The following VSIG10L variants were observed in gnomAD, a reference collection of about 807,000 sequenced individuals.
The protein encoded by VSIG10L is V-set and immunoglobulin domain-containing protein 10-like.
Under a neutral mutation model 67.3 loss-of-function variants are expected in VSIG10L, and 63 were observed. The observed-to-expected ratio is 0.94, with a 90% CI of 0.76 to 1.15. VSIG10L has a LOEUF of 1.15. VSIG10L is among the 50% of genes most tolerant of loss of function. The pLI is 0.00. For missense variants in VSIG10L, 1,050 were observed against 1,177.5 expected, an observed-to-expected ratio of 0.89 and a Z score of 1.58; for synonymous variants, 499 against 524.9, an observed-to-expected ratio of 0.95 and a Z score of 0.67.
At chr19:51,338,779 C>A (rs1985550621) in intron 5 of VSIG10L, 109 bp downstream of exon 5, 1 of 1,219,816 alleles carries the variant, frequency 8.2e-7, no homozygotes, top group Non-Finnish European at 1.1e-6. Flanking sequence ...AGTCCTGCCT[C>A]TTTCTTGGAC....
rs1393436869 is a variant in VSIG10L, at chr19:51,340,259, G to A, written c.1230C>T (p.Arg410=). 1 of 1,513,698 alleles carries A rather than the reference G, an allele frequency of 6.6e-7. No homozygotes were observed. The highest frequency in any genetic ancestry group is 1.4e-5 in the African/African-American group (1 of 69,862). The allele number at this position is 1,513,698 out of a possible 1,614,324, so 93.8% of individuals were successfully genotyped here. The change falls in exon 4 of 10, where the codon CGC becomes CGT. Residue 410 remains arginine (R), a synonymous_variant. Transcript: ENST00000335624. The surrounding 1 kb of genome is among the most constrained non-coding windows in gnomAD (Gnocchi z 6.3). The part of the protein sequence containing the change: ...DPPTITVSSD[R]DAAPARFVTA... ...TGACAAAGCGGGCAGGCGCGGCGTC[G>A]CGGTCCGAGGAGACCGTGATGGTCG...
In VSIG10L at chr19:51,340,699, G is replaced by A. The variant is rs1386229027; in HGVS notation, c.923C>T (p.Pro308Leu). ...YEPLPQLSVQ[P>L]KAPETEEGAA... Reference sequence around the variant, plus strand: ...CCCCTCCTCTGTCTCTGGAGCCTTGGGCTGAACCGACAGCTGGGGTAGGGG... The same window carrying A: ...CCCCTCCTCTGTCTCTGGAGCCTTGAGCTGAACCGACAGCTGGGGTAGGGG... Residue 308 changes from proline to leucine, a missense_variant, in exon 3 of 10, where the codon CCC becomes CTC. Physicochemically the swap from Pro to Leu is moderately conservative, Grantham distance 98. Around this residue, in one of 3 missense-constraint regions of VSIG10L, gnomAD observed 511 missense variants for 557.9 expected, o/e 0.92. Coordinates refer to ENST00000335624, the MANE Select transcript of VSIG10L (RefSeq NM_001163922.3). The surrounding 1 kb of genome is among the most constrained non-coding windows in gnomAD (Gnocchi z 6.3). 1.3e-6 allele frequency: 2 copies of A among 1,513,598 alleles called. No individual in the cohort carries two copies. The highest frequency in any genetic ancestry group is 1.8e-6 in the Non-Finnish European group (2 of 1,134,154). 93.8% of individuals were successfully genotyped at this position (1,513,598 alleles called of 1,614,324 possible).
At chr19:51,335,822 G>A (rs58879702) in intron 7 of VSIG10L, among the ~76,000 whole-genome samples, 1 of 152,060 alleles carries the variant, frequency 6.6e-6, no homozygotes, top group African/African-American at 2.4e-5. Context: ...TGAGGCAGGA[G>A]AATCACTTGA....
In VSIG10L at chr19:51,341,894, C is replaced by G. The variant is rs888478327; in HGVS notation, c.154G>C (p.Val52Leu). The change falls in exon 2 of 10, where the codon GTT (valine) becomes CTT (leucine). Residue 52 changes from valine to leucine, a missense_variant. By Grantham distance (32) the Val-to-Leu change is conservative (BLOSUM62 1). Coordinates refer to ENST00000335624, the MANE Select transcript of VSIG10L (RefSeq NM_001163922.3). The stretch of plus-strand genomic sequence containing the variant: ...CAGCTGGGAGGTTTGATGGAGGGAA[C>G]TTCCACACCCAGCCCCTGGGAAGAG... ...KSSSQGLGVEVPSIKPPSWKV... is the reference protein window; with the variant it reads ...KSSSQGLGVELPSIKPPSWKV... The G allele has an allele frequency of 1.9e-5, 29 of 1,551,682 alleles. No individual in the cohort carries two copies. The highest frequency in any genetic ancestry group is 2.4e-5 in the Non-Finnish European group (28 of 1,146,984).
chr19:51,332,262 C>A lies in VSIG10L; in HGVS notation c.*349G>T, dbSNP rs1258297082. The A allele has an allele frequency of 2.6e-6, 1 of 391,530 alleles. No homozygotes were observed. The highest frequency in any genetic ancestry group is 2.1e-5 in the African/African-American group (1 of 48,330). 24.3% of individuals were successfully genotyped at this position (391,530 alleles called of 1,614,324 possible). On this transcript the variant is annotated 3_prime_UTR_variant, in exon 10 of 10. Transcript: ENST00000335624. ...GGTGGCAAAGTGAATGTAAGGGGAC[C>A]TTTTCAGAGAACATGGCCAAGCTCC...
At chr19:51,339,386 T>A (rs1004696857) in intron 4 of VSIG10L, among the ~76,000 whole-genome samples, 1 of 152,166 alleles carries the variant, frequency 6.6e-6, no homozygotes, top group Non-Finnish European at 1.5e-5. Flanking sequence ...GATATTTCTC[T>A]TCCCAAACGT....
intron 5 of VSIG10L, 47 bp downstream of exon 5, chr19:51,338,841 T>C: frequency 7.5e-7 from 1 of 1,341,522 alleles, no homozygotes; most frequent in South Asian, 1.9e-5. Flanking sequence ...AAAGAAAAAG[T>C]CTCCCTCCTC....
Position 51,340,486 on chromosome 19 carries a change from C to G in VSIG10L, c.1136G>C (p.Arg379Pro). The G allele has an allele frequency of 6.6e-7, 1 of 1,519,214 alleles. No homozygotes were observed. Among genetic ancestry groups the G allele is most frequent in the Non-Finnish European group, 8.8e-7 (1 of 1,135,062 alleles). The allele number at this position is 1,519,214 out of a possible 1,614,324, so 94.1% of individuals were successfully genotyped here. The change falls in exon 3 of 10, where the codon CGC (arginine) becomes CCC (proline). Residue 379 changes from arginine (R) to proline (P), a missense_variant. This residue lies in a region of VSIG10L where 511 missense variants were observed against 557.9 expected (regional missense o/e 0.92). Coordinates refer to ENST00000335624, the MANE Select transcript of VSIG10L (RefSeq NM_001163922.3). This position sits in a 1 kb window ranked among gnomAD's most constrained non-coding sequence, Gnocchi z 6.3. ...CCTGTGGCCGAAGGGGCTGCGGACG[C>G]GGCAAGTGTACCGGGCGTGGTCGCT... ...VRSDHARYTC[R>P]VRSPFGHREA... is the part of the protein sequence containing the mutation.
intron 9 of VSIG10L, among the ~76,000 whole-genome samples, chr19:51,333,327 G>A (rs572396486): frequency 1.3e-4 from 20 of 152,250 alleles, no homozygotes; most frequent in Admixed American, 9.8e-4. Flanking sequence ...TTAGGAGTTC[G>A]GGACCAGCCT....
In VSIG10L at chr19:51,338,076, GCCAGGGGCCTCCCTTCCC is replaced by G; in HGVS notation, c.1844_1861del (p.Arg615_Ala621delinsPro). 1.3e-6 allele frequency: 2 copies of G among 1,551,522 alleles called. No individual in the cohort carries two copies. The highest frequency in any genetic ancestry group is 1.7e-6 in the Non-Finnish European group (2 of 1,146,918). On this transcript the variant is annotated inframe_deletion, in exon 6 of 10. Coordinates refer to ENST00000335624, the MANE Select transcript of VSIG10L (RefSeq NM_001163922.3). ...CCGCAGGCGACTCCCGCCTCCTGGA[GCCAGGGGCCTCCCTTCCC>G]GGGCCCAGGATGCCCGTGAGGGTGG...
Position 51,331,548 on chromosome 19 carries a change from C to A in VSIG10L, c.*1063G>T, listed in dbSNP as rs374368779. On this transcript the variant is annotated 3_prime_UTR_variant, in exon 10 of 10. Coordinates refer to ENST00000335624, the MANE Select transcript of VSIG10L (RefSeq NM_001163922.3). ...AACCAGCCGCCTCCATAGTTCTTGC[C>A]ACCATTTTATTTTGTTACTTGCAGT... 13 of 152,328 alleles carry A rather than the reference C, an allele frequency of 8.5e-5. No individual in the cohort carries two copies. Among genetic ancestry groups the A allele is most frequent in the African/African-American group, 3.1e-4 (13 of 41,580 alleles). 9.4% of individuals were successfully genotyped at this position (152,328 alleles called of 1,614,324 possible). A position where few individuals can be genotyped will look rare whatever the true frequency, so the allele number is the denominator to read the frequency against.
At chr19:51,334,113 G>A (rs2123548126) in intron 8 of VSIG10L, 78 bp downstream of exon 8, 2 of 1,496,858 alleles carry the variant, frequency 1.3e-6, no homozygotes, top group African/African-American at 1.4e-5. Flanking sequence ...GATTGCCTCA[G>A]CCAGGTCTTC....
chr19:51,337,788 C>G, intron 6 of VSIG10L, 142 bp downstream of exon 6: 1 of 1,159,836 alleles, frequency 8.6e-7, no homozygotes, highest in Non-Finnish European at 1.2e-6. Flanking sequence ...GAGGCCTGGA[C>G]TCCAGGGTCT....
At chr19:51,339,827 C>A in intron 4 of VSIG10L, 188 bp downstream of exon 4, 1 of 709,152 alleles carries the variant, frequency 1.4e-6, no homozygotes, top group Non-Finnish European at 2.0e-6. Context: ...GTCTCCGCCC[C>A]TCCGCGCTGG....
chr19:51,332,543 C>G lies in VSIG10L; in HGVS notation c.*68G>C. 1.9e-6 allele frequency: 3 copies of G among 1,539,592 alleles called. No homozygotes were observed. Among genetic ancestry groups the G allele is most frequent in the Non-Finnish European group, 2.6e-6 (3 of 1,136,022 alleles). On this transcript the variant is annotated 3_prime_UTR_variant, in exon 10 of 10. Coordinates refer to ENST00000335624, the MANE Select transcript of VSIG10L (RefSeq NM_001163922.3). ...ATAGGAAGTTCTGGCCCAAAACGCC[C>G]TGTGCAGGGCAGACCACTGGCTCTG... is the stretch of plus-strand genomic sequence containing the variant.
intron 4 of VSIG10L, 119 bp downstream of exon 4, chr19:51,339,896 G>T: frequency 6.7e-6 from 7 of 1,046,892 alleles, no homozygotes; most frequent in South Asian, 4.1e-5. Context: ...CGCTGGCCCT[G>T]CCCCACCCAC....
At chr19:51,337,752 C>A (rs1255718012) in intron 6 of VSIG10L, among the ~76,000 whole-genome samples, 178 bp downstream of exon 6, 2 of 148,604 alleles carry the variant, frequency 1.3e-5, no homozygotes, top group African/African-American at 2.5e-5. Context: ...TGGGGCTAGA[C>A]CCTTGGGTCT....
intron 7 of VSIG10L, among the ~76,000 whole-genome samples, chr19:51,336,763 A>ATTT (rs942291893): frequency 0.053 from 5,179 of 96,904 alleles, 391 homozygotes; most frequent in Middle Eastern, 0.067. Context: ...CGACACCTTG[A>ATTT]TTTTTTTTTT....
rs6509528 is a variant in VSIG10L at position 51,340,335 on chromosome 19, G to T, written c.1190-36C>A. The T allele has an allele frequency of 0.56, 835,858 of 1,480,026 alleles. 237,581 individuals carry two copies. Among genetic ancestry groups the T allele is most frequent in the South Asian group, 0.72 (55,896 of 77,936 alleles). 91.7% of individuals were successfully genotyped at this position (1,480,026 alleles called of 1,614,324 possible). A position where few individuals can be genotyped will look rare whatever the true frequency, so the allele number is the denominator to read the frequency against. ...GAGGGGTCGGGACCGCGAGTGTCAG[G>T]GTCACCTGGGACGCCGCTAGGACTC... On this transcript the variant is annotated intron_variant, in intron 3 of 9. Coordinates refer to ENST00000335624, the MANE Select transcript of VSIG10L (RefSeq NM_001163922.3). The surrounding 1 kb of genome is among the most constrained non-coding windows in gnomAD (Gnocchi z 6.3).
Sources: gnomAD v4.1 joint callset for allele counts (sites outside exome capture counted in the v4.1 genomes callset) on GRCh38, gnomAD v4.1.1 for gene constraint, gnomAD v4.1.1 regional missense constraint, Gnocchi (gnomAD v3.1) non-coding constraint, MANE v1.5 for transcripts, NCBI Gene and HGNC (gene_info 2026-07-23, HGNC 2026-07-21) for gene names.